The following OTOA variants were observed in gnomAD, a reference collection of about 807,000 sequenced individuals.
OTOA encodes cancer/testis antigen 108.
Under a neutral mutation model 110.8 loss-of-function variants are expected in OTOA, and 70 were observed. The observed-to-expected ratio is 0.63, with a 90% CI of 0.52 to 0.77. The LOEUF is 0.77. Among genes scored for constraint, OTOA ranks in the 30% least tolerant of loss-of-function variants. The pLI is 0.00. For synonymous variants in OTOA, 373 were observed against 431.5 expected (o/e 0.86, Z 1.68); for missense variants, 917 against 1,075.8 (o/e 0.85, Z 2.06).
chr16:21,717,066 G>A lies in OTOA; in HGVS notation c.1629+19G>A. The A allele has an allele frequency of 6.2e-7, 1 of 1,613,862 alleles. No individual in the cohort carries two copies. Among genetic ancestry groups the A allele is most frequent in the Non-Finnish European group, 8.5e-7 (1 of 1,179,822 alleles). On this transcript the variant is annotated intron_variant, in intron 15 of 28. Transcript: ENST00000646100. Reference sequence around the variant, plus strand: ...GAGCCAGGTATTACCATGAAACACAGATCGATCCTGTATTTCTGACTATCT... The same window carrying A: ...GAGCCAGGTATTACCATGAAACACAAATCGATCCTGTATTTCTGACTATCT...
intron 12 of OTOA, among the ~76,000 whole-genome samples, chr16:21,707,871 T>G (rs1443001403): frequency 2.0e-5 from 3 of 147,228 alleles, no homozygotes; most frequent in Non-Finnish European, 4.5e-5. Context: ...CTTGGCTCAC[T>G]GCAACCTCTG....
intron 7 of OTOA, 88 bp from the exon 8 acceptor site, chr16:21,687,325 C>T: frequency 1.9e-6 from 2 of 1,029,962 alleles, no homozygotes; most frequent in South Asian, 2.5e-5. Flanking sequence ...TCCTGACTTT[C>T]CCCACTGTTG....
intron 12 of OTOA, 74 bp downstream of exon 12, chr16:21,705,366 G>A: frequency 2.5e-6 from 4 of 1,609,708 alleles, no homozygotes; most frequent in Non-Finnish European, 3.4e-6. Context: ...GAACAGCCTA[G>A]CTTAGCCTTT....
intron 10 of OTOA, among the ~76,000 whole-genome samples, chr16:21,698,729 G>A (rs1019796577): frequency 2.6e-5 from 4 of 151,992 alleles, no homozygotes; most frequent in African/African-American, 4.8e-5. Context: ...AGTGTCTTCC[G>A]ATTTTTATAA....
At chr16:21,751,573 C>T (rs996037363) in intron 24 of OTOA, among the ~76,000 whole-genome samples, 2 of 92,964 alleles carry the variant, frequency 2.2e-5, no homozygotes, top group South Asian at 3.7e-4. Context: ...GAAAAAGATG[C>T]TGGAAAAGTT....
At chr16:21,721,477 C>T (rs1242287962) in intron 17 of OTOA, 3 of 456,012 alleles carry the variant, frequency 6.6e-6, no homozygotes, top group African/African-American at 4.0e-5. Context: ...ATGCGTAGGA[C>T]AGCACCACTA....
At chr16:21,684,313 G>A in intron 6 of OTOA, 1 of 1,345,764 alleles carries the variant, frequency 7.4e-7, no homozygotes, top group Non-Finnish European at 9.6e-7. Context: ...CACTGGGCAT[G>A]TCTGTTTAAC....
rs547655545 is a variant in OTOA at position 21,702,050 on chromosome 16, A to G, written c.980+1023A>G. Among the ~76,000 whole-genome samples, 6 of 151,198 alleles carry G rather than the reference A, an allele frequency of 4.0e-5. No individual in the cohort carries two copies. In the South Asian group the frequency reaches 1.3e-3, roughly 32 times the overall value. Reference sequence around the variant, plus strand: ...ACTACAACCTCCACCTCCAGATTCAAGAGATCCTCCTGCCTCAGCCTCCCA... The same window carrying G: ...ACTACAACCTCCACCTCCAGATTCAGGAGATCCTCCTGCCTCAGCCTCCCA... On this transcript the variant is annotated intron_variant, in intron 11 of 28. Transcript: ENST00000646100.
In OTOA at chr16:21,690,583, C is replaced by G. The variant is rs945822219; in HGVS notation, c.636-1001C>G. Among the ~76,000 whole-genome samples the G allele has an allele frequency of 9.9e-5, 15 of 152,000 alleles. 1 individual carries two copies. The highest frequency in any genetic ancestry group is 3.4e-4 in the African/African-American group (14 of 41,372). On this transcript the variant is annotated intron_variant, in intron 8 of 28. Coordinates refer to ENST00000646100, the MANE Select transcript of OTOA (RefSeq NM_144672.4). ...TATATATGTACCACATTTTCTTTAT[C>G]CAGTCTATTATTGATGGGCATTTGG...
chr16:21,749,438 GA>G (rs1396467224), intron 24 of OTOA, among the ~76,000 whole-genome samples: 3 of 141,216 alleles, frequency 2.1e-5, no homozygotes, highest in African/African-American at 7.8e-5. Flanking sequence ...AGAGGCATAA[GA>G]ATTACTTGAA....
intron 9 of OTOA, among the ~76,000 whole-genome samples, 171 bp from the exon 10 acceptor site, chr16:21,697,604 C>A (rs1490361782): frequency 6.6e-6 from 1 of 152,134 alleles, no homozygotes; most frequent in Non-Finnish European, 1.5e-5. Context: ...TGCACTCCAA[C>A]CTAGGCAACA....
chr16:21,714,122 A>C (rs1041591453), intron 13 of OTOA, among the ~76,000 whole-genome samples: 1 of 152,190 alleles, frequency 6.6e-6, no homozygotes, highest in Non-Finnish European at 1.5e-5. Flanking sequence ...GAACCAAAGC[A>C]TGTCCTTGAT....
At chr16:21,722,345 T>C (rs1201240860) in intron 17 of OTOA, among the ~76,000 whole-genome samples, 1 of 124,674 alleles carries the variant, frequency 8.0e-6, no homozygotes, top group Non-Finnish European at 1.8e-5. Context: ...TATATATATG[T>C]ATAAAACTAT....
chr16:21,699,108 G>A (rs1898000408), intron 10 of OTOA, among the ~76,000 whole-genome samples: 1 of 151,992 alleles, frequency 6.6e-6, no homozygotes, highest in Non-Finnish European at 1.5e-5. Context: ...ATGCCACCAT[G>A]CCTGGCTAAT....
At chr16:21,687,883 C>A (rs920102925) in intron 8 of OTOA, among the ~76,000 whole-genome samples, 9 of 151,008 alleles carry the variant, frequency 6.0e-5, no homozygotes, top group Admixed American at 2.0e-4. Context: ...AGGCTGGTTT[C>A]GAACTCCTGA....
intron 24 of OTOA, among the ~76,000 whole-genome samples, chr16:21,750,045 A>G (rs1472958991): frequency 2.6e-5 from 4 of 152,236 alleles, no homozygotes; most frequent in Non-Finnish European, 5.9e-5. Flanking sequence ...CAGGTCCTAC[A>G]TAGGTAGATA....
intron 8 of OTOA, among the ~76,000 whole-genome samples, chr16:21,688,949 CT>C (rs1455498940): frequency 1.3e-5 from 2 of 152,152 alleles, no homozygotes; most frequent in African/African-American, 4.8e-5. Flanking sequence ...TAAACTGAGA[CT>C]TTGTTCTTGA....
At position 21,687,609 on chromosome 16, in the gene OTOA, G is replaced by A. The variant is rs762203933; in HGVS notation, c.596G>A (p.Arg199Gln). 6.2e-6 allele frequency: 10 copies of A among 1,613,832 alleles called. No individual in the cohort carries two copies. Among genetic ancestry groups the A allele is most frequent in the Admixed American group, 3.3e-5 (2 of 59,984 alleles). ...GSFLQPDITE[R>Q]LPRDLREDAF... is the part of the protein sequence containing the mutation. Reference sequence around the variant, plus strand: ...TTTCTCCAGCCAGACATCACAGAGCGGCTCCCTCGGGACCTGCGCGAGGAT... The same window carrying A: ...TTTCTCCAGCCAGACATCACAGAGCAGCTCCCTCGGGACCTGCGCGAGGAT... Residue 199 changes from arginine to glutamine, a missense_variant, in exon 8 of 29, where the codon CGG becomes CAG. Physicochemically the swap from Arg to Gln is conservative, Grantham distance 43. Transcript: ENST00000646100.
intron 13 of OTOA, among the ~76,000 whole-genome samples, chr16:21,713,357 A>G (rs1391329926): frequency 6.6e-6 from 1 of 152,180 alleles, no homozygotes; most frequent in African/African-American, 2.4e-5. Flanking sequence ...AGTAAATCCA[A>G]GTGGGAACTG....
Sources: allele counts gnomAD v4.1 joint callset (sites outside exome capture counted in the v4.1 genomes callset), GRCh38; gene constraint gnomAD v4.1.1; transcripts MANE v1.5; gene names NCBI Gene and HGNC (gene_info 2026-07-23, HGNC 2026-07-21).